Variants in NXPE2 observed in about 807,000 individuals in gnomAD.
NXPE2 encodes the protein neurexophilin and PC-esterase domain family member 2.
A neutral mutation model predicts 34.4 loss-of-function variants in NXPE2; 34 were observed. That is an observed-to-expected ratio of 0.99 (90% CI 0.75 to 1.31). The LOEUF is 1.31. Ranked by LOEUF, NXPE2 falls within the 40% of genes most tolerant of loss-of-function variation. NXPE2 has a pLI of 0.00. For synonymous variants in NXPE2, 235 were observed against 231.3 expected (o/e 1.02, Z -0.15); for missense variants, 649 against 672.5 (o/e 0.97, Z 0.39).
chr11:114,543,845 CTA>C, the NXPE2 span, among the ~76,000 whole-genome samples: 1 of 152,026 alleles, frequency 6.6e-6, no homozygotes, highest in African/African-American at 2.4e-5. Flanking sequence ...CCCAAAGAAT[CTA>C]TAGAAAATTC....
At chr11:114,515,303 G>A in the NXPE2 span, among the ~76,000 whole-genome samples, 2 of 152,118 alleles carry the variant, frequency 1.3e-5, no homozygotes, top group Non-Finnish European at 2.9e-5. Context: ...TTGATATGTG[G>A]TATGAGGTGA....
the NXPE2 span, among the ~76,000 whole-genome samples, chr11:114,602,260 T>G: frequency 6.8e-5 from 8 of 118,402 alleles, no homozygotes; most frequent in South Asian, 1.9e-3. Flanking sequence ...ATATGTTATA[T>G]ATAATATATA....
At chr11:114,671,876 C>T in the NXPE2 span, among the ~76,000 whole-genome samples, 1 of 151,954 alleles carries the variant, frequency 6.6e-6, no homozygotes, top group Admixed American at 6.6e-5. Context: ...TTAGTCTGTT[C>T]TCACACTGCT....
the NXPE2 span, among the ~76,000 whole-genome samples, chr11:114,542,925 A>G: frequency 3.5e-4 from 54 of 152,316 alleles, no homozygotes; most frequent in African/African-American, 1.2e-3. Flanking sequence ...TATTTACCAC[A>G]TCAATAAATA....
chr11:114,649,111 C>G, the NXPE2 span, among the ~76,000 whole-genome samples: 1 of 151,506 alleles, frequency 6.6e-6, no homozygotes, highest in Non-Finnish European at 1.5e-5. Context: ...TCGCCTTCAG[C>G]AAGCACCTCA....
At chr11:114,695,572 A>T (rs968183143) in intron 2 of NXPE2, among the ~76,000 whole-genome samples, 5 of 152,176 alleles carry the variant, frequency 3.3e-5, no homozygotes, top group African/African-American at 1.2e-4. Context: ...GGTACATTTT[A>T]AAATAGTGGC....
the NXPE2 span, among the ~76,000 whole-genome samples, chr11:114,790,873 C>T: frequency 1.3e-5 from 2 of 152,048 alleles, no homozygotes; most frequent in East Asian, 3.9e-4. Flanking sequence ...CTGAAGAGTC[C>T]CCCAGGGATT....
the NXPE2 span, among the ~76,000 whole-genome samples, chr11:114,613,388 T>G: frequency 1.3e-5 from 2 of 151,680 alleles, no homozygotes; most frequent in Non-Finnish European, 2.9e-5. Context: ...AAATAAGTGT[T>G]GCCTCGTGGG....
At chr11:114,619,326 G>A in the NXPE2 span, among the ~76,000 whole-genome samples, 9 of 152,138 alleles carry the variant, frequency 5.9e-5, no homozygotes. Context: ...TGGATAATAA[G>A]TGTTGCCTTG....
the NXPE2 span, among the ~76,000 whole-genome samples, chr11:114,778,593 G>A: frequency 6.6e-6 from 1 of 152,156 alleles, no homozygotes; most frequent in African/African-American, 2.4e-5. Flanking sequence ...TTGGAGGTAG[G>A]AGAGATCTGG....
chr11:114,685,589 A>G (rs1951031406), intron 2 of NXPE2, among the ~76,000 whole-genome samples: 1 of 152,172 alleles, frequency 6.6e-6, no homozygotes, highest in African/African-American at 2.4e-5. Flanking sequence ...AGATTAGGTT[A>G]CAACATGAAT....
chr11:114,805,643 G>A, the NXPE2 span, among the ~76,000 whole-genome samples: 24 of 152,216 alleles, frequency 1.6e-4, no homozygotes, highest in African/African-American at 4.3e-4. Flanking sequence ...GTTGGGGGAG[G>A]GGCGCCTGCC....
the NXPE2 span, chr11:114,582,200 A>G: frequency 7.1e-7 from 1 of 1,400,680 alleles, no homozygotes; most frequent in Non-Finnish European, 9.6e-7. Flanking sequence ...ACCCAAAATT[A>G]ATACACTCAC....
chr11:114,535,254 C>T, the NXPE2 span, among the ~76,000 whole-genome samples: 2 of 152,176 alleles, frequency 1.3e-5, no homozygotes, highest in Admixed American at 6.5e-5. Context: ...CACCACCAGG[C>T]CTGCCCTAAA....
the NXPE2 span, among the ~76,000 whole-genome samples, chr11:114,712,127 G>A: frequency 1.3e-5 from 2 of 152,254 alleles, no homozygotes; most frequent in South Asian, 4.1e-4. Context: ...AGACCTAAAT[G>A]TATCACTTCT....
the NXPE2 span, among the ~76,000 whole-genome samples, chr11:114,619,626 G>A: frequency 6.6e-6 from 1 of 151,268 alleles, no homozygotes; most frequent in Non-Finnish European, 1.5e-5. Flanking sequence ...GTGTTGCCTC[G>A]TGGGTAACCA....
chr11:114,522,180 C>T, the NXPE2 span: 1 of 1,614,042 alleles, frequency 6.2e-7, no homozygotes. Context: ...CTGATGTTTT[C>T]TGTCTTAATA....
At chr11:114,540,579 T>A in the NXPE2 span, among the ~76,000 whole-genome samples, 13 of 152,088 alleles carry the variant, frequency 8.5e-5, no homozygotes, top group Admixed American at 3.9e-4. Context: ...AATTTTTTTT[T>A]AAGTATAACA....
the NXPE2 span, among the ~76,000 whole-genome samples, chr11:114,656,719 T>C: frequency 1.3e-5 from 2 of 152,248 alleles, no homozygotes; most frequent in East Asian, 1.9e-4. Context: ...AATCATGAAA[T>C]TAATTATATG....
Sources: gnomAD v4.1 joint callset for allele counts (sites outside exome capture counted in the v4.1 genomes callset) on GRCh38, gnomAD v4.1.1 for gene constraint, MANE v1.5 for transcripts, NCBI Gene and HGNC (gene_info 2026-07-23, HGNC 2026-07-21) for gene names.